The following CAMK1D variants were observed in gnomAD, a reference collection of about 807,000 sequenced individuals.
The protein encoded by CAMK1D is calcium/calmodulin dependent protein kinase ID, also known as calcium/calmodulin-dependent protein kinase type 1D.
A neutral mutation model predicts 47.7 loss-of-function variants in CAMK1D; 9 were observed. That is an observed-to-expected ratio of 0.19 (90% CI 0.11 to 0.33). CAMK1D has a LOEUF of 0.33. Among genes scored for constraint, CAMK1D ranks in the 10% least tolerant of loss-of-function variants. The pLI, the probability that CAMK1D is intolerant of heterozygous loss-of-function variation, is 1.00. For synonymous variants in CAMK1D, 184 were observed against 184.9 expected, an observed-to-expected ratio of 0.99 and a Z score of 0.04; for missense variants, 291 against 488.7, an observed-to-expected ratio of 0.60 and a Z score of 3.81.
At chr10:12,535,148 G>A (rs909431537) in intron 1 of CAMK1D, among the ~76,000 whole-genome samples, 3 of 152,260 alleles carry the variant, frequency 2.0e-5, no homozygotes, top group African/African-American at 7.2e-5. Context: ...GTATGCGCCT[G>A]CTTGCTTTTC....
intron 1 of CAMK1D, among the ~76,000 whole-genome samples, chr10:12,523,549 C>T: frequency 6.6e-6 from 1 of 152,086 alleles, no homozygotes; most frequent in Admixed American, 6.5e-5. Flanking sequence ...TGGAGACCAG[C>T]CCGGCCAACA....
chr10:12,591,504 A>G (rs1837994490), intron 2 of CAMK1D, among the ~76,000 whole-genome samples: 2 of 152,210 alleles, frequency 1.3e-5, no homozygotes, highest in African/African-American at 4.8e-5. Context: ...TTTCTACCAA[A>G]CACAGGTGAC....
At chr10:12,393,923 C>T (rs902820879) in intron 1 of CAMK1D, among the ~76,000 whole-genome samples, 1 of 152,180 alleles carries the variant, frequency 6.6e-6, no homozygotes, top group Non-Finnish European at 1.5e-5. Context: ...ACCTGTGTGT[C>T]CTAGAATTCA....
At chr10:12,539,400 A>G (rs1836090575) in intron 1 of CAMK1D, among the ~76,000 whole-genome samples, 1 of 152,220 alleles carries the variant, frequency 6.6e-6, no homozygotes, top group Admixed American at 6.5e-5. Context: ...AGAGTGCCTA[A>G]AGTCAGAGGA....
chr10:12,383,073 G>A (rs1026874101), intron 1 of CAMK1D, among the ~76,000 whole-genome samples: 5 of 151,894 alleles, frequency 3.3e-5, no homozygotes, highest in African/African-American at 1.2e-4. Flanking sequence ...TTCTCTCTAT[G>A]TATTCTAGCT....
chr10:12,823,952 C>G lies in CAMK1D; in HGVS notation c.834-513C>G, dbSNP rs1309806833. Reference sequence around the variant, plus strand: ...GGTGTGAGTGGTGCCCTGGGAGCAGCGCCCCTGGGGAAGACAGAGAGGAGG... The same window carrying G: ...GGTGTGAGTGGTGCCCTGGGAGCAGGGCCCCTGGGGAAGACAGAGAGGAGG... On this transcript the variant is annotated intron_variant, in intron 8 of 10. Coordinates refer to ENST00000619168, the MANE Select transcript of CAMK1D (RefSeq NM_153498.4). Among the ~76,000 whole-genome samples, 4 of 151,918 alleles carry G rather than the reference C, an allele frequency of 2.6e-5. No homozygotes were observed. The East Asian group carries it at 5.9e-4, about 22-fold the overall frequency.
In CAMK1D at chr10:12,711,238, C is replaced by G. The variant is rs141093053; in HGVS notation, c.299+44428C>G. 6.0e-3 allele frequency among the ~76,000 whole-genome samples: 908 copies of G among 152,270 alleles called. 7 individuals carry two copies. Among genetic ancestry groups the G allele is most frequent in the Middle Eastern group, 0.034 (10 of 294 alleles). ...AACTTGTTTCTGAGGAATCCAAGAT[C>G]TAGCCATTTTCAGCAGTGGTCATAG... On this transcript the variant is annotated intron_variant, in intron 3 of 10. Coordinates refer to ENST00000619168, the MANE Select transcript of CAMK1D (RefSeq NM_153498.4).
At chr10:12,694,088 ATATATAT>A (rs1491145341) in intron 3 of CAMK1D, among the ~76,000 whole-genome samples, 1 of 21,780 alleles carries the variant, frequency 4.6e-5, no homozygotes, top group African/African-American at 1.7e-4. Flanking sequence ...ATTATGTATA[ATATATAT>A]TATATAATAT....
At chr10:12,440,862 G>A (rs1279425025) in intron 1 of CAMK1D, among the ~76,000 whole-genome samples, 4 of 152,190 alleles carry the variant, frequency 2.6e-5, no homozygotes, top group South Asian at 2.1e-4. Flanking sequence ...AATATTTCAG[G>A]CTGAAGGAAA....
intron 2 of CAMK1D, among the ~76,000 whole-genome samples, chr10:12,616,782 G>T (rs1191514516): frequency 6.6e-6 from 1 of 152,158 alleles, no homozygotes; most frequent in Non-Finnish European, 1.5e-5. Context: ...CTCCCAAAGT[G>T]CTGAGATGAC....
chr10:12,359,949 C>T (rs1219283398), intron 1 of CAMK1D, among the ~76,000 whole-genome samples: 1 of 152,082 alleles, frequency 6.6e-6, no homozygotes. Context: ...CTTTAAATGT[C>T]CCAGGTCACA....
chr10:12,565,712 T>C (rs558170596), intron 2 of CAMK1D, among the ~76,000 whole-genome samples: 2 of 152,224 alleles, frequency 1.3e-5, no homozygotes, highest in Non-Finnish European at 2.9e-5. Flanking sequence ...GATATTATGA[T>C]CTGCATTTCA....
chr10:12,442,501 A>C (rs1475156154), intron 1 of CAMK1D, among the ~76,000 whole-genome samples: 1 of 152,156 alleles, frequency 6.6e-6, no homozygotes, highest in South Asian at 2.1e-4. Flanking sequence ...AAACAAAAAA[A>C]CTTTGATTTC....
intron 2 of CAMK1D, among the ~76,000 whole-genome samples, chr10:12,555,362 G>A (rs1235125398): frequency 6.6e-6 from 1 of 152,236 alleles, no homozygotes; most frequent in African/African-American, 2.4e-5. Context: ...TGCGGGATAA[G>A]TGTTTGAGAA....
intron 2 of CAMK1D, among the ~76,000 whole-genome samples, chr10:12,640,079 T>G (rs896144133): frequency 6.6e-6 from 1 of 152,208 alleles, no homozygotes; most frequent in African/African-American, 2.4e-5. Flanking sequence ...TGTCCTTATT[T>G]TTATTCTGCA....
intron 6 of CAMK1D, among the ~76,000 whole-genome samples, chr10:12,807,006 G>A (rs73576090): frequency 0.038 from 5,711 of 152,210 alleles, 183 homozygotes; most frequent in Middle Eastern, 0.088. Flanking sequence ...GTCTGTGTGC[G>A]ACCCCTGAGC....
chr10:12,504,427 C>A (rs1351983755), intron 1 of CAMK1D, among the ~76,000 whole-genome samples: 1 of 152,108 alleles, frequency 6.6e-6, no homozygotes, highest in African/African-American at 2.4e-5. Flanking sequence ...GATGGGTAGC[C>A]CCGCTGAAGA....
At chr10:12,387,238 T>C (rs1838524224) in intron 1 of CAMK1D, among the ~76,000 whole-genome samples, 1 of 149,064 alleles carries the variant, frequency 6.7e-6, no homozygotes, top group Non-Finnish European at 1.5e-5. Context: ...ACATATTTCA[T>C]TTTACAATTA....
rs192412772 is a variant in CAMK1D, at chr10:12,533,016, T to G, written c.93-20209T>G. On this transcript the variant is annotated intron_variant, in intron 1 of 10. Coordinates refer to ENST00000619168, the MANE Select transcript of CAMK1D (RefSeq NM_153498.4). ...GTACAAAAAATAGAATAAGACTGTT[T>G]GATAGCACCACAGGGTGACTATAAG... 1.1e-3 allele frequency among the ~76,000 whole-genome samples: 165 copies of G among 152,064 alleles called. 1 individual carries two copies. Among genetic ancestry groups the G allele is most frequent in the African/African-American group, 3.9e-3 (162 of 41,514 alleles).
Sources: allele counts gnomAD v4.1 joint callset (sites outside exome capture counted in the v4.1 genomes callset), GRCh38; gene constraint gnomAD v4.1.1; transcripts MANE v1.5; gene names NCBI Gene and HGNC (gene_info 2026-07-23, HGNC 2026-07-21).